Variants in RET observed in about 807,000 individuals in gnomAD.
RET encodes ret proto-oncogene.
In RET, 19 loss-of-function variants were observed where a neutral mutation model predicts 118.3. The ratio of observed to expected loss-of-function variants is 0.16; its 90% CI spans 0.11 to 0.24. The LOEUF is 0.24. Among genes scored for constraint, RET ranks in the 10% least tolerant of loss-of-function variants. RET has a pLI of 1.00. For missense variants in RET, 1,219 were observed against 1,502.1 expected (o/e 0.81, Z 3.12); for synonymous variants, 597 against 644.1 (o/e 0.93, Z 1.11).
chr10:43,080,742 A>G (rs1398255055), intron 1 of RET, among the ~76,000 whole-genome samples: 2 of 152,186 alleles, frequency 1.3e-5, no homozygotes, highest in Non-Finnish European at 2.9e-5. Context: ...CGTCAGCTTT[A>G]GTTGATGTCT....
intron 11 of RET, among the ~76,000 whole-genome samples, chr10:43,115,881 T>C (rs1346696796): frequency 6.6e-6 from 1 of 152,030 alleles, no homozygotes; most frequent in African/African-American, 2.4e-5. Flanking sequence ...TGACTGTGGG[T>C]TCCCAGGGAA....
At chr10:43,079,122 G>C (rs544386992) in intron 1 of RET, among the ~76,000 whole-genome samples, 1 of 152,316 alleles carries the variant, frequency 6.6e-6, no homozygotes, top group East Asian at 1.9e-4. Flanking sequence ...TTTAGTGGCT[G>C]GGCCTGATGA....
chr10:43,113,689 G>A lies in RET; in HGVS notation c.1879+14G>A, dbSNP rs532810255. 40 of 1,612,496 alleles carry A rather than the reference G, an allele frequency of 2.5e-5. No homozygotes were observed. The highest frequency in any genetic ancestry group is 1.7e-4 in the Middle Eastern group (1 of 6,058). Reference sequence around the variant, plus strand: ...AAGACATCCAGGGTGAGTGGGTGGCGGCCGGGACCACCACCACCTCCCAGC... The same window carrying A: ...AAGACATCCAGGGTGAGTGGGTGGCAGCCGGGACCACCACCACCTCCCAGC... On this transcript the variant is annotated intron_variant, in intron 10 of 19. Coordinates refer to ENST00000355710, the MANE Select transcript of RET (RefSeq NM_020975.6).
intron 1 of RET, 66 bp from the exon 2 acceptor site, chr10:43,100,393 T>A (rs2132654975): frequency 1.3e-6 from 2 of 1,571,184 alleles, no homozygotes; most frequent in Non-Finnish European, 1.7e-6. Context: ...TAATGATTTT[T>A]TTTTTTTTTG....
intron 10 of RET, 82 bp downstream of exon 10, chr10:43,113,757 A>C: frequency 6.3e-7 from 1 of 1,575,356 alleles, no homozygotes; most frequent in Middle Eastern, 1.7e-4. Context: ...CCAACAAGGG[A>C]GGAAATTGCT....
At position 43,126,709 on chromosome 10, in the gene RET, A is replaced by C. The variant is rs569004816; in HGVS notation, c.3174A>C (p.Glu1058Asp). The change falls in exon 19 of 20, where the codon GAA (glutamate) becomes GAC (aspartate). Residue 1058 changes from glutamate (E) to aspartate (D), a missense_variant. This residue lies in a region of RET where 174 missense variants were observed against 179.3 expected (regional missense o/e 0.97). Coordinates refer to ENST00000355710, the MANE Select transcript of RET (RefSeq NM_020975.6). The stretch of plus-strand genomic sequence containing the variant: ...GAGCCCTCCCTTCCACATGGATTGA[A>C]AACAAACTCTATGGTAGAATTTCCC... ...LPRALPSTWI[E>D]NKLYGMSDPN... 11 of 1,613,996 alleles carry C rather than the reference A, an allele frequency of 6.8e-6. No homozygotes were observed. Among genetic ancestry groups the C allele is most frequent in the African/African-American group, 6.7e-5 (5 of 75,006 alleles).
intron 2 of RET, among the ~76,000 whole-genome samples, chr10:43,101,234 G>C (rs1469404185): frequency 3.3e-5 from 5 of 151,940 alleles, no homozygotes; most frequent in Non-Finnish European, 7.4e-5. Context: ...ATGTGACATT[G>C]GTAATGGGAG....
In RET at chr10:43,104,548, T is replaced by C. The variant is rs958766165; in HGVS notation, c.626-404T>C. Among the ~76,000 whole-genome samples, 5 of 151,908 alleles carry C rather than the reference T, an allele frequency of 3.3e-5. No homozygotes were observed. In the South Asian group the frequency reaches 1.0e-3, roughly 32 times the overall value. On this transcript the variant is annotated intron_variant, in intron 3 of 19. Coordinates refer to ENST00000355710, the MANE Select transcript of RET (RefSeq NM_020975.6). ...AAAAAAAGCAGCCAAGGCCAGTAGC[T>C]GGCTCTCTAGGGCTGCAGTGCAGCT...
Position 43,114,853 on chromosome 10 carries a change from C to A in RET, c.2136+117C>A, listed in dbSNP as rs373707092. The A allele has an allele frequency of 8.8e-7, 1 of 1,138,692 alleles. No individual in the cohort carries two copies. The highest frequency in any genetic ancestry group is 1.2e-6 in the Non-Finnish European group (1 of 817,116). 70.5% of individuals were successfully genotyped at this position (1,138,692 alleles called of 1,614,324 possible). On this transcript the variant is annotated intron_variant, in intron 11 of 19. Transcript: ENST00000355710. This position sits in a 1 kb window ranked among gnomAD's most constrained non-coding sequence, Gnocchi z 4.6. ...TGAGGGGCTGCCAACGCTGGGCAGA[C>A]GAGGCCTGTGTTCTGCCCCCATTTC...
At chr10:43,107,836 C>G (rs1339156241) in intron 5 of RET, among the ~76,000 whole-genome samples, 1 of 152,054 alleles carries the variant, frequency 6.6e-6, no homozygotes, top group Non-Finnish European at 1.5e-5. Flanking sequence ...CCCCAAAATG[C>G]AGGGTATCTT....
chr10:43,083,832 C>G (rs1202429776), intron 1 of RET, among the ~76,000 whole-genome samples: 1 of 152,200 alleles, frequency 6.6e-6, no homozygotes, highest in Non-Finnish European at 1.5e-5. Flanking sequence ...TATAAGTGAA[C>G]CATTTGGTGG....
rs551515249 is a variant in RET, at chr10:43,094,328, C to T, written c.74-6131C>T. Among the ~76,000 whole-genome samples the T allele has an allele frequency of 2.0e-4, 31 of 152,270 alleles. No individual in the cohort carries two copies. The South Asian group carries it at 2.1e-3, about 10-fold the overall frequency. On this transcript the variant is annotated intron_variant, in intron 1 of 19. Transcript: ENST00000355710. ...GCCATAATAAAGCTGTCATCTGCAT[C>T]GTCTGCCACCCATCAAGGGCAGGCG...
At chr10:43,111,059 G>A (rs1016456321) in intron 6 of RET, 148 bp from the exon 7 acceptor site, 8 of 1,072,220 alleles carry the variant, frequency 7.5e-6, no homozygotes, top group South Asian at 1.3e-5. Flanking sequence ...GGCTCTGAGG[G>A]GTGGAGGACA....
Position 43,120,179 on chromosome 10 carries a change from G to C in RET, c.2706G>C (p.Glu902Asp), listed in dbSNP as rs1468709610. ...DFGLSRDVYE[E>D]DSYVKRSQGR... ...GCTTGTCCCGAGATGTTTATGAAGA[G>C]GATTCCTACGTGAAGAGGAGCCAGG... is the stretch of plus-strand genomic sequence containing the variant. The change falls in exon 15 of 20, where the codon GAG becomes GAC. Residue 902 changes from glutamate to aspartate, a missense_variant. Transcript: ENST00000355710. 1 of 1,613,252 alleles carries C rather than the reference G, an allele frequency of 6.2e-7. No homozygotes were observed.
intron 1 of RET, among the ~76,000 whole-genome samples, chr10:43,098,064 A>C (rs1376690682): frequency 1.3e-5 from 2 of 152,148 alleles, no homozygotes; most frequent in East Asian, 3.8e-4. Flanking sequence ...AAAAATTCAT[A>C]CGATTTTTTA....
chr10:43,119,921 C>A (rs1838171172), intron 14 of RET, among the ~76,000 whole-genome samples, 160 bp from the exon 15 acceptor site: 1 of 152,000 alleles, frequency 6.6e-6, no homozygotes, highest in South Asian at 2.1e-4. Context: ...CATGTCACAC[C>A]CTGACTCCAC....
chr10:43,112,288 T>C, intron 8 of RET, 64 bp downstream of exon 8: 1 of 1,508,738 alleles, frequency 6.6e-7, no homozygotes, highest in Non-Finnish European at 8.8e-7. Flanking sequence ...AACGGGGTCC[T>C]GGGGCCCTGC....
At chr10:43,088,585 C>T (rs1837345798) in intron 1 of RET, among the ~76,000 whole-genome samples, 4 of 152,074 alleles carry the variant, frequency 2.6e-5, no homozygotes, top group Admixed American at 2.6e-4. Flanking sequence ...TTGGTGCCAG[C>T]CACTGATCTG....
chr10:43,118,480 G>T lies in RET; in HGVS notation c.2392G>T (p.Gly798Cys). ...IKLYGACSQD[G>C]PLLLIVEYAK... Reference sequence around the variant, plus strand: ...ATTGTATGGGGCCTGCAGCCAGGATGGTAAGGCCAGCTGCAGGGTGAGGTG... The same window carrying T: ...ATTGTATGGGGCCTGCAGCCAGGATTGTAAGGCCAGCTGCAGGGTGAGGTG... Residue 798 changes from glycine to cysteine, a missense_variant and splice_region_variant, in exon 13 of 20, where the codon GGC (glycine) becomes TGC (cysteine). Transcript: ENST00000355710. 1 of 1,611,690 alleles carries T rather than the reference G, an allele frequency of 6.2e-7. No individual in the cohort carries two copies. Among genetic ancestry groups the T allele is most frequent in the South Asian group, 1.1e-5 (1 of 91,018 alleles).
Sources: gnomAD v4.1 joint callset for allele counts (sites outside exome capture counted in the v4.1 genomes callset) on GRCh38, gnomAD v4.1.1 for gene constraint, gnomAD v4.1.1 regional missense constraint, Gnocchi (gnomAD v3.1) non-coding constraint, MANE v1.5 for transcripts, NCBI Gene and HGNC (gene_info 2026-07-23, HGNC 2026-07-21) for gene names.